Variants in UCK2 observed in about 807,000 individuals in gnomAD.
UCK2 encodes uridine-cytidine kinase 2.
UCK2 carries 6 observed loss-of-function variants against 30.8 expected under a neutral mutation model. The observed-to-expected ratio is 0.19, with a 90% confidence interval of 0.11 to 0.38. The LOEUF is 0.38. Ranked by LOEUF, UCK2 falls within the 10% of genes least tolerant of loss-of-function variation. The probability of loss-of-function intolerance (pLI) is 1.00; values close to 1 mark genes in which losing one functional copy is unlikely to be tolerated. For synonymous variants in UCK2, 125 were observed against 133.6 expected (o/e 0.94, Z 0.45); for missense variants, 210 against 339.8 (o/e 0.62, Z 3.00).
At chr1:165,871,257 G>A (rs1017257897) in intron 1 of UCK2, among the ~76,000 whole-genome samples, 1 of 152,196 alleles carries the variant, frequency 6.6e-6, no homozygotes, top group Non-Finnish European at 1.5e-5. Context: ...CCCTGCACAA[G>A]GTGGGAAAAT....
chr1:165,906,233 C>G (rs1192962519), intron 6 of UCK2, among the ~76,000 whole-genome samples: 1 of 152,206 alleles, frequency 6.6e-6, no homozygotes, highest in African/African-American at 2.4e-5. Context: ...TTTACTATCA[C>G]TTCCCAATGA....
rs2101892137 is a variant in UCK2, at chr1:165,910,330, A to G, written c.*2507A>G. On this transcript the variant is annotated 3_prime_UTR_variant, in exon 7 of 7. Transcript: ENST00000367879. Reference sequence around the variant, plus strand: ...GGAGAGTCAGGAGTAGAATTAGTGGACCAGAAACCATGACATTTGCCATCT... The same window carrying G: ...GGAGAGTCAGGAGTAGAATTAGTGGGCCAGAAACCATGACATTTGCCATCT... 6.6e-6 allele frequency: 1 copy of G among 152,338 alleles called. No individual in the cohort carries two copies. Among genetic ancestry groups the G allele is most frequent in the African/African-American group, 2.4e-5 (1 of 41,554 alleles). 9.4% of individuals were successfully genotyped at this position (152,338 alleles called of 1,614,324 possible).
At chr1:165,836,495 C>A (rs1301850615) in intron 1 of UCK2, among the ~76,000 whole-genome samples, 1 of 152,116 alleles carries the variant, frequency 6.6e-6, no homozygotes, top group African/African-American at 2.4e-5. Context: ...AATTATATGT[C>A]AAAATACAGT....
chr1:165,900,343 C>A (rs540942717), intron 4 of UCK2: 14 of 152,324 alleles, frequency 9.2e-5, no homozygotes, highest in African/African-American at 3.4e-4. Flanking sequence ...CTCTGTATTC[C>A]TGAATAGTAA....
At chr1:165,854,137 T>C (rs1056202991) in intron 1 of UCK2, among the ~76,000 whole-genome samples, 4 of 152,202 alleles carry the variant, frequency 2.6e-5, no homozygotes, top group Admixed American at 2.6e-4. Flanking sequence ...GTTGAGACTT[T>C]CTGAGCGCAT....
chr1:165,839,723 T>G (rs1041077376), intron 1 of UCK2, among the ~76,000 whole-genome samples: 5 of 152,208 alleles, frequency 3.3e-5, no homozygotes, highest in African/African-American at 1.2e-4. Context: ...TGGCCACTTT[T>G]AATCTGTTTC....
chr1:165,901,333 T>G (rs1647456009), intron 4 of UCK2, among the ~76,000 whole-genome samples: 1 of 152,192 alleles, frequency 6.6e-6, no homozygotes, highest in Non-Finnish European at 1.5e-5. Flanking sequence ...GTGCCCAGCT[T>G]TCTGGAAATG....
At chr1:165,867,122 TA>T (rs973324673) in intron 1 of UCK2, among the ~76,000 whole-genome samples, 18 of 152,316 alleles carry the variant, frequency 1.2e-4, no homozygotes, top group African/African-American at 4.3e-4. Flanking sequence ...GCATTATGTC[TA>T]AAAAAATTGC....
chr1:165,888,992 CACATGTATT>C (rs1655694683), intron 1 of UCK2, among the ~76,000 whole-genome samples: 1 of 152,312 alleles, frequency 6.6e-6, no homozygotes, highest in South Asian at 2.1e-4. Context: ...AAGGGGCAGA[CACATGTATT>C]ACTATCTGTT....
chr1:165,848,559 C>G (rs531128236), intron 1 of UCK2, among the ~76,000 whole-genome samples: 66 of 151,890 alleles, frequency 4.3e-4, no homozygotes, highest in Non-Finnish European at 7.7e-4. Context: ...TTGAACCCAC[C>G]GAGGCGGAGG....
At chr1:165,839,668 T>C (rs1654276389) in intron 1 of UCK2, among the ~76,000 whole-genome samples, 1 of 152,170 alleles carries the variant, frequency 6.6e-6, no homozygotes, top group African/African-American at 2.4e-5. Flanking sequence ...GTGGAGAACG[T>C]GCGTGGGTTT....
intron 1 of UCK2, among the ~76,000 whole-genome samples, chr1:165,842,031 A>G (rs1654343131): frequency 6.6e-6 from 1 of 152,216 alleles, no homozygotes; most frequent in African/African-American, 2.4e-5. Flanking sequence ...TGCTAAAGTC[A>G]CCAGTAATCA....
At chr1:165,864,459 C>G (rs994717370) in intron 1 of UCK2, among the ~76,000 whole-genome samples, 2 of 152,064 alleles carry the variant, frequency 1.3e-5, no homozygotes, top group Middle Eastern at 3.2e-3. Flanking sequence ...GATTTCACCT[C>G]ATTATGCTTC....
At chr1:165,846,437 C>G (rs936205636) in intron 1 of UCK2, among the ~76,000 whole-genome samples, 2 of 151,446 alleles carry the variant, frequency 1.3e-5, no homozygotes, top group African/African-American at 4.9e-5. Context: ...AAGAGACTGC[C>G]CTTTTTTTTA....
intron 1 of UCK2, among the ~76,000 whole-genome samples, chr1:165,849,995 T>C (rs906966780): frequency 6.6e-6 from 1 of 152,202 alleles, no homozygotes; most frequent in African/African-American, 2.4e-5. Flanking sequence ...GAGTTTGGAC[T>C]GGAGTGACCC....
At chr1:165,890,087 TCTTC>T (rs1260760103) in intron 1 of UCK2, 113 bp from the exon 2 acceptor site, 2 of 1,150,184 alleles carry the variant, frequency 1.7e-6, no homozygotes, top group Non-Finnish European at 2.5e-6. Context: ...GCCTTTGGAT[TCTTC>T]CTTCCAGAGC....
intron 1 of UCK2, among the ~76,000 whole-genome samples, chr1:165,830,617 G>A (rs957049990): frequency 6.6e-5 from 10 of 152,094 alleles, no homozygotes; most frequent in African/African-American, 2.4e-4. Context: ...GCGCCACCAC[G>A]CCGGCAATCT....
At chr1:165,883,618 G>A (rs1254656732) in intron 1 of UCK2, among the ~76,000 whole-genome samples, 1 of 152,158 alleles carries the variant, frequency 6.6e-6, no homozygotes, top group African/African-American at 2.4e-5. Flanking sequence ...TTTAGATCCT[G>A]TATGTGGTGG....
At chr1:165,855,041 G>A (rs997978363) in intron 1 of UCK2, among the ~76,000 whole-genome samples, 1 of 152,146 alleles carries the variant, frequency 6.6e-6, no homozygotes, top group African/African-American at 2.4e-5. Flanking sequence ...TAGCTCACTG[G>A]GGGAAAATTA....
Sources: gnomAD v4.1 joint callset for allele counts (sites outside exome capture counted in the v4.1 genomes callset) on GRCh38, gnomAD v4.1.1 for gene constraint, MANE v1.5 for transcripts, NCBI Gene and HGNC (gene_info 2026-07-23, HGNC 2026-07-21) for gene names.